Variants in RALGPS1 observed in about 807,000 individuals in gnomAD.
RALGPS1 encodes Ral GEF with PH domain and SH3 binding motif 1.
In RALGPS1, 19 loss-of-function variants were observed where a neutral mutation model predicts 78.8. The ratio of observed to expected loss-of-function variants is 0.24; its 90% CI spans 0.17 to 0.35. The LOEUF (loss-of-function observed/expected upper bound fraction) is 0.35. Ranked by LOEUF, RALGPS1 falls within the 10% of genes least tolerant of loss-of-function variation. The probability of loss-of-function intolerance (pLI) is 1.00; values close to 1 mark genes in which losing one functional copy is unlikely to be tolerated. For synonymous variants in RALGPS1, 228 were observed against 256.3 expected (o/e 0.89, Z 1.06); for missense variants, 454 against 688.3 (o/e 0.66, Z 3.81).
At chr9:127,031,351 A>G (rs2046417444) in intron 4 of RALGPS1, among the ~76,000 whole-genome samples, 1 of 152,262 alleles carries the variant, frequency 6.6e-6, no homozygotes, top group African/African-American at 2.4e-5. Context: ...GAACTGCGCC[A>G]AAGCGGTCAG....
At chr9:127,006,418 A>G (rs2043848054) in intron 4 of RALGPS1, among the ~76,000 whole-genome samples, 3 of 152,312 alleles carry the variant, frequency 2.0e-5, no homozygotes, top group South Asian at 4.1e-4. Context: ...GGGAGTGGTG[A>G]TTTAGTATAC....
At chr9:127,154,133 G>T (rs1381184031) in intron 8 of RALGPS1, among the ~76,000 whole-genome samples, 1 of 152,254 alleles carries the variant, frequency 6.6e-6, no homozygotes, top group Non-Finnish European at 1.5e-5. Flanking sequence ...TGCTGGCAGA[G>T]CTGAGGGCTG....
intron 8 of RALGPS1, among the ~76,000 whole-genome samples, chr9:127,165,429 A>G (rs1258374823): frequency 6.6e-6 from 1 of 152,240 alleles, no homozygotes; most frequent in Non-Finnish European, 1.5e-5. Context: ...TCTTTTAGAC[A>G]TAGGTTTGAT....
At chr9:127,050,351 C>T (rs2048194081) in intron 6 of RALGPS1, among the ~76,000 whole-genome samples, 1 of 152,192 alleles carries the variant, frequency 6.6e-6, no homozygotes, top group Admixed American at 6.5e-5. Context: ...AAATTGGCAG[C>T]GTGCCCCACA....
intron 8 of RALGPS1, among the ~76,000 whole-genome samples, chr9:127,084,178 C>T (rs1476337513): frequency 1.3e-5 from 2 of 152,146 alleles, no homozygotes; most frequent in African/African-American, 2.4e-5. Context: ...CCTCCCACCT[C>T]GACCTCCCAA....
At chr9:127,038,560 C>T (rs62580838) in intron 5 of RALGPS1, among the ~76,000 whole-genome samples, 3,605 of 152,336 alleles carry the variant, frequency 0.024, 48 homozygotes, top group Middle Eastern at 0.048. Context: ...TTTTATATGA[C>T]GCTCATCACT....
At chr9:126,989,785 G>T in intron 4 of RALGPS1, 3 of 1,431,772 alleles carry the variant, frequency 2.1e-6, no homozygotes, top group Non-Finnish European at 2.8e-6. Context: ...ATTCCTGTGG[G>T]ACACTTACTC....
At chr9:126,971,183 A>G (rs2040073502) in intron 3 of RALGPS1, among the ~76,000 whole-genome samples, 2 of 152,158 alleles carry the variant, frequency 1.3e-5, no homozygotes, top group Admixed American at 1.3e-4. Flanking sequence ...CATCCAACAT[A>G]CAGACAATAG....
chr9:126,921,715 T>TA (rs1491515049), intron 1 of RALGPS1, among the ~76,000 whole-genome samples: 1 of 152,186 alleles, frequency 6.6e-6, no homozygotes, highest in South Asian at 2.1e-4. Flanking sequence ...AGCAAATGAC[T>TA]ATACCTCTGT....
chr9:126,968,264 G>C (rs1202969843), intron 3 of RALGPS1, among the ~76,000 whole-genome samples: 4 of 152,142 alleles, frequency 2.6e-5, no homozygotes, highest in Non-Finnish European at 5.9e-5. Flanking sequence ...GCCTCCCATA[G>C]TGCTGGTTGG....
chr9:127,050,144 A>T lies in RALGPS1; in HGVS notation c.390+12A>T. The T allele has an allele frequency of 1.3e-6, 2 of 1,589,318 alleles. No homozygotes were observed. The highest frequency in any genetic ancestry group is 8.6e-7 in the Non-Finnish European group (1 of 1,157,570). ...TGAAAATAGCCAAGGTAAGCTTTTT[A>T]TTATTATTTTTCCTTCCTTTCCCTC... On this transcript the variant is annotated intron_variant, in intron 6 of 18. Coordinates refer to ENST00000259351, the MANE Select transcript of RALGPS1 (RefSeq NM_014636.3).
At chr9:127,150,653 G>C (rs1754438623) in intron 8 of RALGPS1, among the ~76,000 whole-genome samples, 1 of 152,186 alleles carries the variant, frequency 6.6e-6, no homozygotes, top group South Asian at 2.1e-4. Context: ...TCTCAAACTG[G>C]ACTCAACAGA....
chr9:127,092,205 C>T (rs2052572208), intron 8 of RALGPS1, among the ~76,000 whole-genome samples: 1 of 152,222 alleles, frequency 6.6e-6, no homozygotes, highest in Admixed American at 6.5e-5. Context: ...ATTACCTTCC[C>T]CACAGGCTTG....
chr9:127,071,854 AT>A (rs912387365), intron 8 of RALGPS1, among the ~76,000 whole-genome samples: 1 of 152,202 alleles, frequency 6.6e-6, no homozygotes, highest in Non-Finnish European at 1.5e-5. Context: ...AAAGTGTACA[AT>A]TCACTGGTTT....
At chr9:127,158,670 C>T (rs979693178) in intron 8 of RALGPS1, among the ~76,000 whole-genome samples, 18 of 149,116 alleles carry the variant, frequency 1.2e-4, no homozygotes, top group African/African-American at 4.5e-4. Flanking sequence ...AAATTGTTTT[C>T]TCGTTTCTTT....
At chr9:127,027,331 T>C (rs1299328701) in intron 4 of RALGPS1, among the ~76,000 whole-genome samples, 1 of 152,166 alleles carries the variant, frequency 6.6e-6, no homozygotes, top group African/African-American at 2.4e-5. Flanking sequence ...TTGAACTTAA[T>C]ATGGAACCAG....
At chr9:126,939,189 CCTT>C (rs1440034479) in intron 1 of RALGPS1, among the ~76,000 whole-genome samples, 2 of 152,190 alleles carry the variant, frequency 1.3e-5, no homozygotes, top group African/African-American at 4.8e-5. Flanking sequence ...TGTCAAGGCA[CCTT>C]CTCTCCTTCC....
intron 4 of RALGPS1, among the ~76,000 whole-genome samples, chr9:127,001,445 T>C (rs1588948278): frequency 6.6e-6 from 1 of 152,156 alleles, no homozygotes; most frequent in African/African-American, 2.4e-5. Context: ...TGGTTTAGGG[T>C]TTTTAGTATA....
At chr9:127,041,705 A>G (rs2135007901) in intron 5 of RALGPS1, among the ~76,000 whole-genome samples, 1 of 152,338 alleles carries the variant, frequency 6.6e-6, no homozygotes, top group South Asian at 2.1e-4. Flanking sequence ...AAAACATGTT[A>G]TACAGGGATA....
Sources: allele counts gnomAD v4.1 joint callset (sites outside exome capture counted in the v4.1 genomes callset), GRCh38; gene constraint gnomAD v4.1.1; transcripts MANE v1.5; gene names NCBI Gene and HGNC (gene_info 2026-07-23, HGNC 2026-07-21).